FBXO8: variants seen among roughly 807,000 people sequenced by gnomAD.
The protein encoded by FBXO8 is F-box only protein 8.
A neutral mutation model predicts 33.4 loss-of-function variants in FBXO8; 15 were observed. The observed-to-expected ratio is 0.45, with a 90% confidence interval of 0.30 to 0.69. The LOEUF (loss-of-function observed/expected upper bound fraction) is 0.69. Among genes scored for constraint, FBXO8 ranks in the 30% least tolerant of loss-of-function variants. The pLI is 0.08. For synonymous variants in FBXO8, 132 were observed against 131.5 expected, an observed-to-expected ratio of 1.00 and a Z score of -0.02; for missense variants, 274 against 380.3, an observed-to-expected ratio of 0.72 and a Z score of 2.32.
intron 1 of FBXO8, among the ~76,000 whole-genome samples, chr4:174,268,175 C>T (rs1478807909): frequency 6.6e-6 from 1 of 152,132 alleles, no homozygotes; most frequent in African/African-American, 2.4e-5. Context: ...TAGGGAATTA[C>T]AGGGTTAGGT....
chr4:174,249,480 T>C lies in FBXO8; in HGVS notation c.457-8262A>G, dbSNP rs117360228. On this transcript the variant is annotated intron_variant, in intron 3 of 5. Coordinates refer to ENST00000393674, the MANE Select transcript of FBXO8 (RefSeq NM_012180.3). ...ATACTGGATTTGCAATGTGCATATA[T>C]ACAACTGTTTAAATGACTAACCCAT... Among the ~76,000 whole-genome samples, 247 of 152,166 alleles carry C rather than the reference T, an allele frequency of 1.6e-3. 1 individual carries two copies. In the East Asian group the frequency reaches 0.038, roughly 24 times the overall value.
At position 174,259,256 on chromosome 4, in the gene FBXO8, C is replaced by G. The variant is rs1736487748; in HGVS notation, c.456+443G>C. Among the ~76,000 whole-genome samples the G allele has an allele frequency of 6.6e-6, 1 of 151,922 alleles. No homozygotes were observed. Among genetic ancestry groups the G allele is most frequent in the Admixed American group, 6.6e-5 (1 of 15,236 alleles). ...TATTGTTAAAGGCATTATTTGAAGACAACGTTTTGATTTGTCAGAAAATAG... is the reference window on the plus strand; with the variant it reads ...TATTGTTAAAGGCATTATTTGAAGAGAACGTTTTGATTTGTCAGAAAATAG... On this transcript the variant is annotated intron_variant, in intron 3 of 5. Transcript: ENST00000393674. This position sits in a 1 kb window ranked among gnomAD's most constrained non-coding sequence, Gnocchi z 4.3.
Position 174,283,039 on chromosome 4 carries a change from T to C in FBXO8, c.-9+371A>G, listed in dbSNP as rs183340313. Among the ~76,000 whole-genome samples the C allele has an allele frequency of 7.0e-3, 1,070 of 152,342 alleles. 8 individuals are homozygous for C. The highest frequency in any genetic ancestry group is 0.01 in the Non-Finnish European group (714 of 68,030). On this transcript the variant is annotated intron_variant, in intron 1 of 5. Coordinates refer to ENST00000393674, the MANE Select transcript of FBXO8 (RefSeq NM_012180.3). The surrounding 1 kb of genome is among the most constrained non-coding windows in gnomAD (Gnocchi z 6.7). ...TGGAAAGTGGTAAAGAACCAAAAAC[T>C]GTCTAGGAACCAAAATAACACTCGA...
In FBXO8 at chr4:174,241,745, C is replaced by T. The variant is rs1736046036; in HGVS notation, c.457-527G>A. Among the ~76,000 whole-genome samples, 1 of 151,466 alleles carries T rather than the reference C, an allele frequency of 6.6e-6. No homozygotes were observed. The highest frequency in any genetic ancestry group is 1.5e-5 in the Non-Finnish European group (1 of 67,556). On this transcript the variant is annotated intron_variant, in intron 3 of 5. Coordinates refer to ENST00000393674, the MANE Select transcript of FBXO8 (RefSeq NM_012180.3). The surrounding 1 kb of genome is among the most constrained non-coding windows in gnomAD (Gnocchi z 4.2). ...AAAGTAAAGGAAGCCCAACTCCAAA[C>T]CAATGTATAGGTTGTACTACTTTGG...
In FBXO8 at chr4:174,237,241, C is replaced by T; in HGVS notation, c.*171G>A. On this transcript the variant is annotated 3_prime_UTR_variant, in exon 6 of 6. Transcript: ENST00000393674. This position sits in a 1 kb window ranked among gnomAD's most constrained non-coding sequence, Gnocchi z 4.4. The stretch of plus-strand genomic sequence containing the variant: ...AAAAATTCTGCAAAATTATTTAGTT[C>T]CCCAAGGAAATTACTAAAATAGAAA... 1.9e-6 allele frequency: 1 copy of T among 539,836 alleles called. No individual in the cohort carries two copies. The highest frequency in any genetic ancestry group is 3.1e-6 in the Non-Finnish European group (1 of 318,108). 33.4% of individuals were successfully genotyped at this position (539,836 alleles called of 1,614,324 possible).
Position 174,259,569 on chromosome 4 carries a change from T to C in FBXO8, c.456+130A>G. The C allele has an allele frequency of 8.7e-7, 1 of 1,155,216 alleles. No homozygotes were observed. The highest frequency in any genetic ancestry group is 1.4e-5 in the South Asian group (1 of 71,558). 71.6% of individuals were successfully genotyped at this position (1,155,216 alleles called of 1,614,324 possible). On this transcript the variant is annotated intron_variant, in intron 3 of 5. Coordinates refer to ENST00000393674, the MANE Select transcript of FBXO8 (RefSeq NM_012180.3). This position sits in a 1 kb window ranked among gnomAD's most constrained non-coding sequence, Gnocchi z 4.3. ...GTCACATAGCAATAGTTTAAAATAT[T>C]GGTTTTCTCAGTGATCAAAAAAGCA... is the stretch of plus-strand genomic sequence containing the variant.
rs1579021026 is a variant in FBXO8, at chr4:174,247,667, T to C, written c.457-6449A>G. On this transcript the variant is annotated intron_variant, in intron 3 of 5. Transcript: ENST00000393674. This position sits in a 1 kb window ranked among gnomAD's most constrained non-coding sequence, Gnocchi z 4.6. Reference sequence around the variant, plus strand: ...TTTTCAAGTATACATTTGAGCACAATGAAACTTAAACTGAAATGTAACATT... The same window carrying C: ...TTTTCAAGTATACATTTGAGCACAACGAAACTTAAACTGAAATGTAACATT... Among the ~76,000 whole-genome samples, 1 of 152,164 alleles carries C rather than the reference T, an allele frequency of 6.6e-6. No homozygotes were observed. Among genetic ancestry groups the C allele is most frequent in the Non-Finnish European group, 1.5e-5 (1 of 67,980 alleles).
rs1481240173 is a variant in FBXO8, at chr4:174,263,160, T to C, written c.-8-60A>G. 7.0e-7 allele frequency: 1 copy of C among 1,437,044 alleles called. No individual in the cohort carries two copies. The highest frequency in any genetic ancestry group is 1.4e-5 in the African/African-American group (1 of 70,248). 89.0% of individuals were successfully genotyped at this position (1,437,044 alleles called of 1,614,324 possible). The stretch of plus-strand genomic sequence containing the variant: ...TTAAAAAGTAACCCATTTTTCCCAG[T>C]GGTATAACAAATCTGACATGAAGCA... On this transcript the variant is annotated intron_variant, in intron 1 of 5. Transcript: ENST00000393674. The surrounding 1 kb of genome is among the most constrained non-coding windows in gnomAD (Gnocchi z 4.2).
At chr4:174,239,321 A>C in intron 4 of FBXO8, 131 bp from the exon 5 acceptor site, 1 of 476,776 alleles carries the variant, frequency 2.1e-6, no homozygotes, top group Non-Finnish European at 3.6e-6. Context: ...AATCCTATAA[A>C]AGTATATATA....
chr4:174,269,279 A>G (rs1736774543), intron 1 of FBXO8: 1 of 152,154 alleles, frequency 6.6e-6, no homozygotes, highest in East Asian at 1.9e-4. Flanking sequence ...ATTCTCCATA[A>G]GATTTCAAAG....
At position 174,256,202 on chromosome 4, in the gene FBXO8, G is replaced by C. The variant is rs2126429821; in HGVS notation, c.456+3497C>G. ...ATGATGTTTGCTATCAAAATGTTAAGTACAATACTGGAAATTATGAAAAAG... is the reference window on the plus strand; with the variant it reads ...ATGATGTTTGCTATCAAAATGTTAACTACAATACTGGAAATTATGAAAAAG... On this transcript the variant is annotated intron_variant, in intron 3 of 5. Coordinates refer to ENST00000393674, the MANE Select transcript of FBXO8 (RefSeq NM_012180.3). The surrounding 1 kb of genome is among the most constrained non-coding windows in gnomAD (Gnocchi z 4.6). 1 of 448,696 alleles carries C rather than the reference G, an allele frequency of 2.2e-6. No homozygotes were observed. Among genetic ancestry groups the C allele is most frequent in the African/African-American group, 2.0e-5 (1 of 49,594 alleles). The allele number at this position is 448,696 out of a possible 1,614,324, so 27.8% of individuals were successfully genotyped here.
chr4:174,267,430 C>T lies in FBXO8; in HGVS notation c.-8-4330G>A, dbSNP rs1311058055. ...GGTGCGATGGTGCATACCTGTAGTC[C>T]TATCCACTCAGGAGTCTGAGGCAGG... On this transcript the variant is annotated intron_variant, in intron 1 of 5. Transcript: ENST00000393674. This position sits in a 1 kb window ranked among gnomAD's most constrained non-coding sequence, Gnocchi z 4.7. Among the ~76,000 whole-genome samples, 3 of 152,092 alleles carry T rather than the reference C, an allele frequency of 2.0e-5. No individual in the cohort carries two copies. The highest frequency in any genetic ancestry group is 7.2e-5 in the African/African-American group (3 of 41,420).
At position 174,246,706 on chromosome 4, in the gene FBXO8, G is replaced by A. The variant is rs560214244; in HGVS notation, c.457-5488C>T. ...ATTTTGCTGCAGGGGCAGCAAAGCC[G>A]ATAAAAAGAGAGCAGGGGAAAGGTC... On this transcript the variant is annotated intron_variant, in intron 3 of 5. Transcript: ENST00000393674. 1.8e-3 allele frequency among the ~76,000 whole-genome samples: 278 copies of A among 152,096 alleles called. 1 individual carries two copies. The highest frequency in any genetic ancestry group is 2.6e-3 in the Non-Finnish European group (179 of 67,950).
chr4:174,245,663 G>A lies in FBXO8; in HGVS notation c.457-4445C>T, dbSNP rs1419038590. On this transcript the variant is annotated intron_variant, in intron 3 of 5. Transcript: ENST00000393674. This position sits in a 1 kb window ranked among gnomAD's most constrained non-coding sequence, Gnocchi z 4.6. ...AATGGGCTATAATGTGAATTTGGCA[G>A]CAATATAAAGATAAATAATGAAAGA... Among the ~76,000 whole-genome samples the A allele has an allele frequency of 2.6e-5, 4 of 151,840 alleles. No homozygotes were observed. The highest frequency in any genetic ancestry group is 5.9e-5 in the Non-Finnish European group (4 of 67,920).
rs1736990940 is a variant in FBXO8, at chr4:174,277,783, G to A, written c.-9+5627C>T. Among the ~76,000 whole-genome samples the A allele has an allele frequency of 6.6e-6, 1 of 152,108 alleles. No individual in the cohort carries two copies. The highest frequency in any genetic ancestry group is 1.5e-5 in the Non-Finnish European group (1 of 67,972). On this transcript the variant is annotated intron_variant, in intron 1 of 5. Coordinates refer to ENST00000393674, the MANE Select transcript of FBXO8 (RefSeq NM_012180.3). The surrounding 1 kb of genome is among the most constrained non-coding windows in gnomAD (Gnocchi z 4.9). ...TGTCTCAGATAAAGGTTTAAAATGT[G>A]TGCTACAATAGTTATCTCTAAAATA...
At chr4:174,276,323 T>C (rs933524875) in intron 1 of FBXO8, among the ~76,000 whole-genome samples, 2 of 152,148 alleles carry the variant, frequency 1.3e-5, no homozygotes, top group Non-Finnish European at 2.9e-5. Flanking sequence ...CTGCAACCTC[T>C]GCCTCCTGGG....
rs1736386098 is a variant in FBXO8, at chr4:174,255,083, G to T, written c.456+4616C>A. 6.6e-6 allele frequency among the ~76,000 whole-genome samples: 1 copy of T among 152,048 alleles called. No homozygotes were observed. Among genetic ancestry groups the T allele is most frequent in the Non-Finnish European group, 1.5e-5 (1 of 67,992 alleles). On this transcript the variant is annotated intron_variant, in intron 3 of 5. Transcript: ENST00000393674. The surrounding 1 kb of genome is among the most constrained non-coding windows in gnomAD (Gnocchi z 4.3). ...CTTTGAAAAGTTAGGCTGTAAATAA[G>T]CCAACTAATCATAATCTATCATGTT...
intron 5 of FBXO8, among the ~76,000 whole-genome samples, chr4:174,238,556 A>G (rs1735942188): frequency 2.6e-5 from 4 of 151,494 alleles, no homozygotes; most frequent in African/African-American, 9.7e-5. Flanking sequence ...GTACACACAA[A>G]CAGACATATA....
rs767203030 is a variant in FBXO8, at chr4:174,237,638, T to C, written c.773-39A>G. On this transcript the variant is annotated intron_variant, in intron 5 of 5. Coordinates refer to ENST00000393674, the MANE Select transcript of FBXO8 (RefSeq NM_012180.3). This position sits in a 1 kb window ranked among gnomAD's most constrained non-coding sequence, Gnocchi z 4.4. ...GAAACAGTTCAAATTATTAGTTGGTTTACAAAATATGATTCCAATGGCATT... is the reference window on the plus strand; with the variant it reads ...GAAACAGTTCAAATTATTAGTTGGTCTACAAAATATGATTCCAATGGCATT... 5 of 1,521,846 alleles carry C rather than the reference T, an allele frequency of 3.3e-6. No homozygotes were observed. 94.3% of individuals were successfully genotyped at this position (1,521,846 alleles called of 1,614,324 possible).
Sources: gnomAD v4.1 joint callset for allele counts (sites outside exome capture counted in the v4.1 genomes callset) on GRCh38, gnomAD v4.1.1 for gene constraint, Gnocchi (gnomAD v3.1) non-coding constraint, MANE v1.5 for transcripts, NCBI Gene and HGNC (gene_info 2026-07-23, HGNC 2026-07-21) for gene names.